SMAD9: variants seen among roughly 807,000 people sequenced by gnomAD.
SMAD9 encodes the protein MAD homolog 9.
Under a neutral mutation model 46.1 loss-of-function variants are expected in SMAD9, and 36 were observed. That is an observed-to-expected ratio of 0.78 (90% CI 0.60 to 1.03). The LOEUF is 1.03. Ranked by LOEUF, SMAD9 falls within the 50% of genes least tolerant of loss-of-function variation. The probability of loss-of-function intolerance (pLI) is 0.00; values close to 1 mark genes in which losing one functional copy is unlikely to be tolerated. For synonymous variants in SMAD9, 245 were observed against 237.1 expected (o/e 1.03, Z -0.31); for missense variants, 572 against 599.8 (o/e 0.95, Z 0.48).
intron 6 of SMAD9, 65 bp from the exon 7 acceptor site, chr13:36,848,884 C>A (rs2058053196): frequency 4.5e-6 from 7 of 1,558,538 alleles, no homozygotes; most frequent in East Asian, 4.5e-5. Context: ...GAGCCCCAGG[C>A]AGAGCTCAGC....
chr13:36,886,533 C>A (rs1027149017), intron 1 of SMAD9, among the ~76,000 whole-genome samples: 2 of 152,256 alleles, frequency 1.3e-5, no homozygotes, highest in African/African-American at 4.8e-5. Context: ...TGCATGTCAG[C>A]CTCCATTCAC....
chr13:36,916,590 T>C (rs1022569694), intron 1 of SMAD9, among the ~76,000 whole-genome samples: 1 of 152,086 alleles, frequency 6.6e-6, no homozygotes, highest in South Asian at 2.1e-4. Flanking sequence ...TATTTATTGA[T>C]AGAGTACTAT....
In SMAD9 at chr13:36,879,636, C is replaced by T. The variant is rs768411249; in HGVS notation, c.54G>A (p.Val18=). 12 of 1,614,094 alleles carry T rather than the reference C, an allele frequency of 7.4e-6. No individual in the cohort carries two copies. Among genetic ancestry groups the T allele is most frequent in the Non-Finnish European group, 1.0e-5 (12 of 1,180,034 alleles). Residue 18 remains valine (V), a synonymous_variant, in exon 2 of 7, where the codon GTG becomes GTA. Transcript: ENST00000379826. The part of the protein sequence containing the change: ...SSLFSFTSPA[V]KRLLGWKQGD... ...CTTGCTTCCAGCCTAGCAGTCTCTT[C>T]ACTGCGGGGCTGGTGAAGGAGAAGA...
chr13:36,879,933 G>T (rs751665995), intron 1 of SMAD9, 58 bp from the exon 2 acceptor site: 2 of 500,146 alleles, frequency 4.0e-6, no homozygotes, highest in Non-Finnish European at 3.6e-6. Flanking sequence ...AGAAAAAGTT[G>T]AAGTTGGATA....
At chr13:36,876,959 C>T (rs1212332900) in intron 2 of SMAD9, among the ~76,000 whole-genome samples, 6 of 151,876 alleles carry the variant, frequency 4.0e-5, no homozygotes, top group East Asian at 1.9e-4. Flanking sequence ...TTAATATAAT[C>T]GTTACCCATC....
Position 36,879,729 on chromosome 13 carries a change from C to A in SMAD9, c.-40G>T. On this transcript the variant is annotated 5_prime_UTR_variant, in exon 2 of 7. Transcript: ENST00000379826. ...GGCTCCGGCGCGCACGGGAACCGCACAGCCCTTCACGGCAAAGTGGGCGGC... is the reference window on the plus strand; with the variant it reads ...GGCTCCGGCGCGCACGGGAACCGCAAAGCCCTTCACGGCAAAGTGGGCGGC... 6.2e-7 allele frequency: 1 copy of A among 1,610,642 alleles called. No homozygotes were observed. Among genetic ancestry groups the A allele is most frequent in the Middle Eastern group, 2.0e-4 (1 of 4,900 alleles).
At chr13:36,905,976 T>C (rs2058617507) in intron 1 of SMAD9, among the ~76,000 whole-genome samples, 1 of 152,038 alleles carries the variant, frequency 6.6e-6, no homozygotes, top group South Asian at 2.1e-4. Context: ...TGGACGAAAA[T>C]TCTTATTTCT....
intron 4 of SMAD9, among the ~76,000 whole-genome samples, chr13:36,866,768 G>A (rs977349326): frequency 3.3e-5 from 5 of 151,980 alleles, no homozygotes; most frequent in East Asian, 1.9e-4. Context: ...GGACCCCACC[G>A]TAAGATCTAC....
chr13:36,887,284 G>A lies in SMAD9; in HGVS notation c.-186-7409C>T, dbSNP rs546005299. ...GTCTCCCAGGCTGGAGTGCAGTGGCGCGATCTCAGCTCATTGCAACCTCCA... is the reference window on the plus strand; with the variant it reads ...GTCTCCCAGGCTGGAGTGCAGTGGCACGATCTCAGCTCATTGCAACCTCCA... On this transcript the variant is annotated intron_variant, in intron 1 of 6. Coordinates refer to ENST00000379826, the MANE Select transcript of SMAD9 (RefSeq NM_001127217.3). Among the ~76,000 whole-genome samples, 15 of 139,944 alleles carry A rather than the reference G, an allele frequency of 1.1e-4. 1 individual carries two copies. The South Asian group carries it at 2.4e-3, about 22-fold the overall frequency. 91.8% of individuals were successfully genotyped at this position (139,944 alleles called of 152,430 possible).
intron 5 of SMAD9, among the ~76,000 whole-genome samples, chr13:36,864,283 G>A (rs1028494788): frequency 3.9e-5 from 6 of 152,148 alleles, no homozygotes; most frequent in African/African-American, 1.4e-4. Flanking sequence ...AGGAAACCTA[G>A]AGTAAAATCA....
chr13:36,887,387 T>C (rs1279836514), intron 1 of SMAD9, among the ~76,000 whole-genome samples: 1 of 151,694 alleles, frequency 6.6e-6, no homozygotes, highest in Non-Finnish European at 1.5e-5. Flanking sequence ...CACACCCAGA[T>C]AATTTTTGTA....
intron 5 of SMAD9, among the ~76,000 whole-genome samples, chr13:36,862,075 A>T (rs1242784349): frequency 6.6e-6 from 1 of 152,014 alleles, no homozygotes; most frequent in Non-Finnish European, 1.5e-5. Context: ...ATTTGAATGG[A>T]CCCCCTCTCC....
At chr13:36,852,347 C>A in intron 6 of SMAD9, 1 of 985,314 alleles carries the variant, frequency 1.0e-6, no homozygotes, top group Non-Finnish European at 1.2e-6. Context: ...GTCACACATA[C>A]CCCGATACTT....
rs767384586 is a variant in SMAD9, at chr13:36,865,636, T to A, written c.904A>T (p.Thr302Ser). 1.9e-6 allele frequency: 3 copies of A among 1,614,166 alleles called. No homozygotes were observed. In the South Asian group the frequency reaches 3.3e-5, roughly 18 times the overall value. The change falls in exon 5 of 7, where the codon ACC (threonine) becomes TCC (serine). Residue 302 changes from threonine (T) to serine (S), a missense_variant. Coordinates refer to ENST00000379826, the MANE Select transcript of SMAD9 (RefSeq NM_001127217.3). ...CTGTTCCTGTTATTTGAAGGGTCGG[T>A]GAACCCATCTATGAGCACACTTCGG... Reference protein sequence around the residue: ...SSRSVLIDGFTDPSNNRNRFC... With the variant: ...SSRSVLIDGFSDPSNNRNRFC...
Position 36,867,282 on chromosome 13 carries a change from G to T in SMAD9, c.772C>A (p.Pro258Thr). The change falls in exon 4 of 7, where the codon CCA becomes ACA. Residue 258 changes from proline to threonine, a missense_variant. Transcript: ENST00000379826. ...TADRHVVLSI[P>T]NGDFRPVCYE... ...TTCATCTGCAATTTACCTCCATTTG[G>T]TATCGATAGCACTACATGTCTATCA... The T allele has an allele frequency of 6.5e-7, 1 of 1,541,136 alleles. No homozygotes were observed. Among genetic ancestry groups the T allele is most frequent in the Non-Finnish European group, 8.8e-7 (1 of 1,137,488 alleles).
chr13:36,916,779 C>T (rs1170380820), intron 1 of SMAD9, among the ~76,000 whole-genome samples: 3 of 151,296 alleles, frequency 2.0e-5, no homozygotes, highest in African/African-American at 7.3e-5. Flanking sequence ...GAGGACATAC[C>T]TGGGACCAGG....
chr13:36,883,854 T>C (rs1047377623), intron 1 of SMAD9, among the ~76,000 whole-genome samples: 7 of 152,130 alleles, frequency 4.6e-5, no homozygotes, highest in South Asian at 2.1e-4. Flanking sequence ...TGTAAGAAAA[T>C]CGTGTATCCC....
intron 1 of SMAD9, among the ~76,000 whole-genome samples, chr13:36,911,956 C>A (rs907774607): frequency 2.0e-5 from 3 of 152,178 alleles, no homozygotes; most frequent in Non-Finnish European, 4.4e-5. Context: ...TATCCGCCCA[C>A]CTCAGCCTCC....
intron 5 of SMAD9, among the ~76,000 whole-genome samples, chr13:36,859,553 C>T (rs554512750): frequency 6.6e-6 from 1 of 152,324 alleles, no homozygotes; most frequent in African/African-American, 2.4e-5. Flanking sequence ...TACACTCCCA[C>T]CAGTGCCATG....
Sources: gnomAD v4.1 joint callset for allele counts (sites outside exome capture counted in the v4.1 genomes callset) on GRCh38, gnomAD v4.1.1 for gene constraint, MANE v1.5 for transcripts, NCBI Gene and HGNC (gene_info 2026-07-23, HGNC 2026-07-21) for gene names.